The following ZNF26 variants were observed in gnomAD, a reference collection of about 807,000 sequenced individuals.
ZNF26 encodes the protein epididymis luminal protein 179.
ZNF26 carries 32 observed loss-of-function variants against 54.9 expected under a neutral mutation model. The observed-to-expected ratio is 0.58, with a 90% CI of 0.44 to 0.78. ZNF26 has a LOEUF of 0.78. ZNF26 is among the 30% of genes least tolerant of loss of function. The pLI is 0.00. For synonymous variants in ZNF26, 221 were observed against 209.2 expected (o/e 1.06, Z -0.49); for missense variants, 524 against 634.0 (o/e 0.83, Z 1.86).
At chr12:132,998,930 G>A (rs1953150401) in intron 1 of ZNF26, among the ~76,000 whole-genome samples, 1 of 152,302 alleles carries the variant, frequency 6.6e-6, no homozygotes, top group Admixed American at 6.5e-5. Context: ...AGAGAGAAAG[G>A]TAAATTTTGC....
Position 133,007,449 on chromosome 12 carries a change from C to G in ZNF26, c.173C>G (p.Thr58Ser), listed in dbSNP as rs2137252446. 1.9e-6 allele frequency: 3 copies of G among 1,613,332 alleles called. No individual in the cohort carries two copies. The highest frequency in any genetic ancestry group is 1.7e-6 in the Non-Finnish European group (2 of 1,179,512). The change falls in exon 3 of 4, where the codon ACC becomes AGC. Residue 58 changes from threonine to serine, a missense_variant. By Grantham distance (58) the Thr-to-Ser change is moderately conservative. Transcript: ENST00000328654. ...TTCCCATCAACAGGGTATCATGGTA[C>G]CAAGCCTGACTTAATCTTCAAGTTG... Reference protein sequence around the residue: ...HNLISVGYHGTKPDLIFKLEQ... With the variant: ...HNLISVGYHGSKPDLIFKLEQ...
chr12:133,009,999 G>A, intron 3 of ZNF26, 137 bp from the exon 4 acceptor site: 1 of 883,238 alleles, frequency 1.1e-6, no homozygotes, highest in East Asian at 2.8e-5. Context: ...TGCTTGGCCA[G>A]TATTTCTTTT....
Position 133,011,465 on chromosome 12 carries a change from G to A in ZNF26, c.1586G>A (p.Arg529Gln), listed in dbSNP as rs1029577922. 1.3e-5 allele frequency: 20 copies of A among 1,550,694 alleles called. No homozygotes were observed. Among genetic ancestry groups the A allele is most frequent in the South Asian group, 6.3e-5 (5 of 79,902 alleles). ...TGGAATTCAGGGCTTCGTATACATC[G>A]GAAGACTCATAAATGAGAAATCAGA... is the stretch of plus-strand genomic sequence containing the variant. ...FCWNSGLRIHRKTHK is the reference protein window; with the variant it reads ...FCWNSGLRIHQKTHK The change falls in exon 4 of 4, where the codon CGG becomes CAG. Residue 529 changes from arginine to glutamine, a missense_variant. By Grantham distance (43) the Arg-to-Gln change is conservative (BLOSUM62 1). Transcript: ENST00000328654.
At chr12:133,004,675 A>G (rs10747093) in intron 1 of ZNF26, 136,696 of 152,206 alleles carry the variant, frequency 0.9, 62,172 homozygotes, top group East Asian at 1. Context: ...TGTAGAGATG[A>G]GGTCTAACTA....
chr12:133,017,333 T>A lies in ZNF26; in HGVS notation c.*5852T>A, dbSNP rs1953578726. Reference sequence around the variant, plus strand: ...TGATCTATTGGTCACACCTTATGCTTACCCCACCACCTAGAAGCGGCTGGT... The same window carrying A: ...TGATCTATTGGTCACACCTTATGCTAACCCCACCACCTAGAAGCGGCTGGT... On this transcript the variant is annotated 3_prime_UTR_variant, in exon 4 of 4. Coordinates refer to ENST00000328654, the MANE Select transcript of ZNF26 (RefSeq NM_019591.4). 1 of 152,188 alleles carries A rather than the reference T, an allele frequency of 6.6e-6. No homozygotes were observed. Among genetic ancestry groups the A allele is most frequent in the Non-Finnish European group, 1.5e-5 (1 of 68,034 alleles). The allele number at this position is 152,188 out of a possible 1,614,324, so 9.4% of individuals were successfully genotyped here. A position where few individuals can be genotyped will look rare whatever the true frequency, so the allele number is the denominator to read the frequency against.
intron 2 of ZNF26, 79 bp from the exon 3 acceptor site, chr12:133,007,358 G>A: frequency 7.3e-7 from 1 of 1,368,050 alleles, no homozygotes; most frequent in East Asian, 2.3e-5. Flanking sequence ...GAGATGAGCA[G>A]TTTTGCTCTG....
chr12:133,026,519 C>CTTTTTTTTTTTTT lies in ZNF26; in HGVS notation c.*15051_*15063dup, dbSNP rs77349696. On this transcript the variant is annotated 3_prime_UTR_variant, in exon 4 of 4. Transcript: ENST00000328654. ...AAAAGGACAACTTCATATAGTTCAACTTTTTTTTTTTTTTTTTTTTTTTTT... is the reference window on the plus strand; with the variant it reads ...AAAAGGACAACTTCATATAGTTCAACTTTTTTTTTTTTTTTTTTTTTTTTTTTTTTTTTTTTTT... 1 of 122,466 alleles carries CTTTTTTTTTTTTT rather than the reference C, an allele frequency of 8.2e-6. No individual in the cohort carries two copies. The highest frequency in any genetic ancestry group is 3.6e-5 in the African/African-American group (1 of 27,484). The allele number at this position is 122,466 out of a possible 1,614,324, so 7.6% of individuals were successfully genotyped here. A position where few individuals can be genotyped will look rare whatever the true frequency, so the allele number is the denominator to read the frequency against.
At chr12:132,994,772 T>C (rs1037828998) in intron 1 of ZNF26, among the ~76,000 whole-genome samples, 14 of 152,328 alleles carry the variant, frequency 9.2e-5, no homozygotes, top group African/African-American at 3.4e-4. Flanking sequence ...TTGGTAGACA[T>C]CAACTATCAT....
Position 133,016,596 on chromosome 12 carries a change from A to T in ZNF26, c.*5115A>T. 1 of 151,136 alleles carries T rather than the reference A, an allele frequency of 6.6e-6. No individual in the cohort carries two copies. The allele number at this position is 151,136 out of a possible 1,614,324, so 9.4% of individuals were successfully genotyped here. On this transcript the variant is annotated 3_prime_UTR_variant, in exon 4 of 4. Coordinates refer to ENST00000328654, the MANE Select transcript of ZNF26 (RefSeq NM_019591.4). ...GCTCAGGAATTTGAGACCAGTCTGG[A>T]CAACAAAGCAAAACCCCATCTCTGA...
intron 1 of ZNF26, among the ~76,000 whole-genome samples, chr12:133,002,813 A>G (rs1233598981): frequency 6.6e-6 from 1 of 151,830 alleles, no homozygotes; most frequent in Non-Finnish European, 1.5e-5. Context: ...TAATAGAGAC[A>G]GAGTCTCACC....
Position 132,986,425 on chromosome 12 carries a change from A to T in ZNF26, c.-416A>T, listed in dbSNP as rs1952818326. 1.0e-5 allele frequency: 2 copies of T among 193,790 alleles called. No individual in the cohort carries two copies. Among genetic ancestry groups the T allele is most frequent in the East Asian group, 2.5e-4 (2 of 8,074 alleles). 12.0% of individuals were successfully genotyped at this position (193,790 alleles called of 1,614,324 possible). A position where few individuals can be genotyped will look rare whatever the true frequency, so the allele number is the denominator to read the frequency against. On this transcript the variant is annotated 5_prime_UTR_variant, in exon 1 of 4. Coordinates refer to ENST00000328654, the MANE Select transcript of ZNF26 (RefSeq NM_019591.4). ...GCTGTTTCCGGCTTAGACTCAGTGG[A>T]CCGGAATCTGGCCAGCGGGTGTACC...
intron 1 of ZNF26, chr12:133,006,281 C>T (rs1399781069): frequency 1.0e-6 from 1 of 985,312 alleles, no homozygotes; most frequent in Admixed American, 6.2e-5. Context: ...GATAAACTCT[C>T]TTGTTTATCC....
chr12:133,007,223 T>C lies in ZNF26; in HGVS notation c.160+55T>C. 1.9e-6 allele frequency: 3 copies of C among 1,593,398 alleles called. No individual in the cohort carries two copies. The East Asian group carries it at 6.7e-5, about 36-fold the overall frequency. Reference sequence around the variant, plus strand: ...TAGTGAATATTAAATTGCCATCCCTTTTTTTGTTGTTGAACTACTCCGGGA... The same window carrying C: ...TAGTGAATATTAAATTGCCATCCCTCTTTTTGTTGTTGAACTACTCCGGGA... On this transcript the variant is annotated intron_variant, in intron 2 of 3. Coordinates refer to ENST00000328654, the MANE Select transcript of ZNF26 (RefSeq NM_019591.4).
chr12:133,020,123 G>A lies in ZNF26; in HGVS notation c.*8642G>A, dbSNP rs1953619936. The A allele has an allele frequency of 6.6e-6, 1 of 151,778 alleles. No individual in the cohort carries two copies. Among genetic ancestry groups the A allele is most frequent in the Admixed American group, 6.6e-5 (1 of 15,204 alleles). 9.4% of individuals were successfully genotyped at this position (151,778 alleles called of 1,614,324 possible). A position where few individuals can be genotyped will look rare whatever the true frequency, so the allele number is the denominator to read the frequency against. On this transcript the variant is annotated 3_prime_UTR_variant, in exon 4 of 4. Transcript: ENST00000328654. ...AAAACAAAACAAAAAAAAAATCAGA[G>A]CCCATCAACAAATGGATAAAGAAAG...
At chr12:133,002,630 G>T (rs1339136600) in intron 1 of ZNF26, among the ~76,000 whole-genome samples, 1 of 151,268 alleles carries the variant, frequency 6.6e-6, no homozygotes, top group Non-Finnish European at 1.5e-5. Context: ...TTTGTTTTTT[G>T]TTTTTTTGTT....
chr12:132,989,729 A>G (rs1448701784), intron 1 of ZNF26, among the ~76,000 whole-genome samples: 1 of 152,194 alleles, frequency 6.6e-6, no homozygotes, highest in Non-Finnish European at 1.5e-5. Context: ...TGGAACAGGG[A>G]TTCTCATCCT....
intron 1 of ZNF26, among the ~76,000 whole-genome samples, chr12:132,990,212 TG>T (rs1952918030): frequency 6.6e-6 from 1 of 152,152 alleles, no homozygotes; most frequent in Non-Finnish European, 1.5e-5. Flanking sequence ...TGCTTGAGCC[TG>T]GGAGGTTGAG....
Position 132,986,767 on chromosome 12 carries a change from G to T in ZNF26, c.-74G>T. ...CTGGTCCCGCACCTGTCTTCGGGCG[G>T]ACGCATCCCTCACGGTCTCTCCGCA... On this transcript the variant is annotated 5_prime_UTR_variant, in exon 1 of 4. Transcript: ENST00000328654. The T allele has an allele frequency of 1.3e-6, 2 of 1,516,354 alleles. No homozygotes were observed. Among genetic ancestry groups the T allele is most frequent in the Non-Finnish European group, 1.8e-6 (2 of 1,116,880 alleles). The allele number at this position is 1,516,354 out of a possible 1,614,324, so 93.9% of individuals were successfully genotyped here. A position where few individuals can be genotyped will look rare whatever the true frequency, so the allele number is the denominator to read the frequency against.
intron 1 of ZNF26, among the ~76,000 whole-genome samples, chr12:132,990,979 C>G (rs1276445044): frequency 6.6e-6 from 1 of 151,932 alleles, no homozygotes; most frequent in Non-Finnish European, 1.5e-5. Flanking sequence ...CTGCCTCAGC[C>G]TCCCGAGTAG....
Sources: allele counts gnomAD v4.1 joint callset (sites outside exome capture counted in the v4.1 genomes callset), GRCh38; gene constraint gnomAD v4.1.1; transcripts MANE v1.5; gene names NCBI Gene and HGNC (gene_info 2026-07-23, HGNC 2026-07-21).